The following ASAP2 variants were observed in gnomAD, a reference collection of about 807,000 sequenced individuals.
ASAP2 encodes ArfGAP with SH3 domain, ankyrin repeat and PH domain 2, also known as arf-GAP with SH3 domain, ANK repeat and PH domain-containing protein 2.
ASAP2 carries 45 observed loss-of-function variants against 131.4 expected under a neutral mutation model. The observed-to-expected ratio is 0.34, with a 90% CI of 0.27 to 0.44. ASAP2 has a LOEUF of 0.44. ASAP2 is among the 20% of genes least tolerant of loss of function. The pLI is 1.00. For synonymous variants in ASAP2, 510 were observed against 503.0 expected, an observed-to-expected ratio of 1.01 and a Z score of -0.19; for missense variants, 1,011 against 1,297.0, an observed-to-expected ratio of 0.78 and a Z score of 3.39.
chr2:9,383,934 G>A (rs2148757262), intron 20 of ASAP2, among the ~76,000 whole-genome samples: 1 of 152,054 alleles, frequency 6.6e-6, no homozygotes, highest in South Asian at 2.1e-4. Flanking sequence ...AACACCGCAC[G>A]TTCTCACTCA....
chr2:9,210,070 T>C (rs918929731), intron 1 of ASAP2, among the ~76,000 whole-genome samples: 4 of 152,234 alleles, frequency 2.6e-5, no homozygotes, highest in Admixed American at 6.5e-5. Context: ...ATCTCTGCTT[T>C]ATAGGCGAGG....
In ASAP2 at chr2:9,393,605, C is replaced by A. The variant is rs768219520; in HGVS notation, c.2642C>A (p.Pro881Gln). ...CAGATCAGGCCCCCACCTCTGCCCC[C>A]ACAGCCGCCCAGCCGCCTCCCGCAG... ...ISQIRPPPLP[P>Q]QPPSRLPQKK... Residue 881 changes from proline (P) to glutamine (Q), a missense_variant, in exon 24 of 28, where the codon CCA becomes CAA. Transcript: ENST00000281419. 13 of 1,590,514 alleles carry A rather than the reference C, an allele frequency of 8.2e-6. No individual in the cohort carries two copies. The highest frequency in any genetic ancestry group is 2.7e-5 in the African/African-American group (2 of 74,498).
chr2:9,299,157 A>C (rs556062937), intron 3 of ASAP2, among the ~76,000 whole-genome samples: 1 of 152,314 alleles, frequency 6.6e-6, no homozygotes, highest in East Asian at 1.9e-4. Context: ...ATTTCTAAAA[A>C]TGGAACGGAA....
chr2:9,283,518 C>T (rs1456279286), intron 2 of ASAP2, among the ~76,000 whole-genome samples: 1 of 152,220 alleles, frequency 6.6e-6, no homozygotes, highest in Non-Finnish European at 1.5e-5. Context: ...CCTTTTCCTG[C>T]TCCTAGAGGC....
At chr2:9,276,560 C>T (rs1450221366) in intron 1 of ASAP2, among the ~76,000 whole-genome samples, 2 of 151,886 alleles carry the variant, frequency 1.3e-5, no homozygotes, top group Admixed American at 6.6e-5. Context: ...CTTTTTGAGA[C>T]AGAGTCTCAC....
chr2:9,353,072 G>A (rs1290088224), intron 12 of ASAP2, among the ~76,000 whole-genome samples: 1 of 152,170 alleles, frequency 6.6e-6, no homozygotes, highest in Non-Finnish European at 1.5e-5. Flanking sequence ...ACCCCAGAGA[G>A]TCATCACAGG....
At chr2:9,224,625 T>A (rs189444446) in intron 1 of ASAP2, among the ~76,000 whole-genome samples, 1 of 152,344 alleles carries the variant, frequency 6.6e-6, no homozygotes, top group Non-Finnish European at 1.5e-5. Flanking sequence ...CCAATTAATA[T>A]CTGATTTCTT....
chr2:9,351,952 T>C (rs1484934121), intron 12 of ASAP2, among the ~76,000 whole-genome samples: 1 of 152,224 alleles, frequency 6.6e-6, no homozygotes. Context: ...AAATGGACTT[T>C]ATCCTGTGTC....
chr2:9,332,873 AC>A (rs1572475862), intron 7 of ASAP2, among the ~76,000 whole-genome samples: 1 of 152,232 alleles, frequency 6.6e-6, no homozygotes, highest in Admixed American at 6.5e-5. Context: ...TCAGAAAAAA[AC>A]GTATTAAAAT....
chr2:9,210,618 GA>G (rs1558236102), intron 1 of ASAP2, among the ~76,000 whole-genome samples: 1 of 151,486 alleles, frequency 6.6e-6, no homozygotes, highest in African/African-American at 2.4e-5. Context: ...GCAGTGGCTC[GA>G]TCCCCACTCA....
intron 2 of ASAP2, among the ~76,000 whole-genome samples, chr2:9,295,829 C>G (rs1366061311): frequency 6.6e-6 from 1 of 152,226 alleles, no homozygotes. Flanking sequence ...TTAGAACCCT[C>G]TAGTCCCCCA....
At position 9,217,401 on chromosome 2, in the gene ASAP2, G is replaced by A. The variant is rs946460377; in HGVS notation, c.126+10171G>A. On this transcript the variant is annotated intron_variant, in intron 1 of 27. Coordinates refer to ENST00000281419, the MANE Select transcript of ASAP2 (RefSeq NM_003887.3). This position sits in a 1 kb window ranked among gnomAD's most constrained non-coding sequence, Gnocchi z 4.0. ...GGCATTGCTCACACCCTGGCAGGAG[G>A]CCTTCCCTGCTAACAGTGTTAATAA... 6.6e-6 allele frequency among the ~76,000 whole-genome samples: 1 copy of A among 152,188 alleles called. No individual in the cohort carries two copies. Among genetic ancestry groups the A allele is most frequent in the Non-Finnish European group, 1.5e-5 (1 of 68,046 alleles).
At chr2:9,230,824 CAG>C (rs903788911) in intron 1 of ASAP2, among the ~76,000 whole-genome samples, 21 of 152,172 alleles carry the variant, frequency 1.4e-4, no homozygotes, top group Admixed American at 3.9e-4. Flanking sequence ...TTGATGAAAA[CAG>C]TGGTTTGGGA....
intron 2 of ASAP2, among the ~76,000 whole-genome samples, chr2:9,295,653 T>TGTGTGTG (rs1468772310): frequency 1.3e-5 from 2 of 152,028 alleles, no homozygotes; most frequent in African/African-American, 4.8e-5. Flanking sequence ...CGTTTGCGGG[T>TGTGTGTG]GTGTGTGTGT....
intron 18 of ASAP2, among the ~76,000 whole-genome samples, chr2:9,378,553 C>T (rs1173992330): frequency 6.6e-6 from 1 of 152,230 alleles, no homozygotes; most frequent in Admixed American, 6.5e-5. Flanking sequence ...CATCCAGAGG[C>T]CCTGCATCCA....
intron 3 of ASAP2, among the ~76,000 whole-genome samples, chr2:9,314,824 G>A (rs547806219): frequency 5.3e-5 from 8 of 151,602 alleles, no homozygotes; most frequent in Admixed American, 2.0e-4. Context: ...CCAGCAACTC[G>A]GGAGGCTGAG....
chr2:9,294,324 C>T (rs759221711), intron 2 of ASAP2, among the ~76,000 whole-genome samples: 7 of 151,980 alleles, frequency 4.6e-5, no homozygotes, highest in Non-Finnish European at 7.4e-5. Flanking sequence ...AAGAAAAAAA[C>T]TTAACCTACA....
rs1352736776 is a variant in ASAP2, at chr2:9,378,919, T to C, written c.1833-25T>C. ...GTCCAGCCTGTGACACACTATGCTC[T>C]CTCTCTGTTCCTGTTCTCGGGCAGT... On this transcript the variant is annotated intron_variant, in intron 18 of 27. Transcript: ENST00000281419. 16 of 1,401,270 alleles carry C rather than the reference T, an allele frequency of 1.1e-5. No individual in the cohort carries two copies. The East Asian group carries it at 4.1e-4, about 36-fold the overall frequency. 86.8% of individuals were successfully genotyped at this position (1,401,270 alleles called of 1,614,324 possible).
chr2:9,245,831 C>T (rs1056145792), intron 1 of ASAP2, among the ~76,000 whole-genome samples: 2 of 152,142 alleles, frequency 1.3e-5, no homozygotes, highest in Non-Finnish European at 2.9e-5. Context: ...GTTTTCTTCG[C>T]CACCAGATCC....
Sources: allele counts gnomAD v4.1 joint callset (sites outside exome capture counted in the v4.1 genomes callset), GRCh38; gene constraint gnomAD v4.1.1; non-coding constraint Gnocchi (gnomAD v3.1); transcripts MANE v1.5; gene names NCBI Gene and HGNC (gene_info 2026-07-23, HGNC 2026-07-21).